The following SEC23A variants were observed in gnomAD, a reference collection of about 807,000 sequenced individuals.
The protein encoded by SEC23A is protein transport protein Sec23A.
A neutral mutation model predicts 103.7 loss-of-function variants in SEC23A; 56 were observed. That is an observed-to-expected ratio of 0.54 (90% CI 0.44 to 0.67). The LOEUF is 0.67. Ranked by LOEUF, SEC23A falls within the 30% of genes least tolerant of loss-of-function variation. The pLI is 0.00. For missense variants in SEC23A, 784 were observed against 936.4 expected (o/e 0.84, Z 2.12); for synonymous variants, 281 against 293.0 (o/e 0.96, Z 0.42).
chr14:39,061,844 G>A lies in SEC23A; in HGVS notation c.1426C>T (p.Arg476Cys), dbSNP rs760390779. 8.7e-6 allele frequency: 14 copies of A among 1,613,488 alleles called. No individual in the cohort carries two copies. Among genetic ancestry groups the A allele is most frequent in the East Asian group, 4.5e-5 (2 of 44,870 alleles). ...QHNAPIPQGG[R>C]GAIQFVTQYQ... ...TGAGTCACAAACTGGATTGCACCAC[G>A]CCCTCCTTGAGGAATTGGAGCATTA... Residue 476 changes from arginine (R) to cysteine (C), a missense_variant, in exon 13 of 20, where the codon CGT becomes TGT. Transcript: ENST00000307712.
At chr14:39,073,545 C>T (rs146129518) in intron 9 of SEC23A, among the ~76,000 whole-genome samples, 2 of 150,066 alleles carry the variant, frequency 1.3e-5, no homozygotes, top group South Asian at 2.1e-4. Flanking sequence ...CCTCCCACCT[C>T]GGCTTCTCAA....
intron 14 of SEC23A, among the ~76,000 whole-genome samples, chr14:39,054,120 T>G (rs528572259): frequency 2.6e-5 from 4 of 150,952 alleles, no homozygotes; most frequent in African/African-American, 9.7e-5. Flanking sequence ...ACAAAAAAAT[T>G]TTAAATTTGC....
chr14:39,048,862 ATTAC>A, intron 14 of SEC23A, 133 bp from the exon 15 acceptor site: 1 of 627,854 alleles, frequency 1.6e-6, no homozygotes, highest in Non-Finnish European at 2.8e-6. Flanking sequence ...AAATTATAAT[ATTAC>A]TTATAGACTT....
intron 7 of SEC23A, among the ~76,000 whole-genome samples, chr14:39,080,412 G>GT (rs963519146): frequency 2.6e-5 from 4 of 152,048 alleles, no homozygotes; most frequent in African/African-American, 9.7e-5. Context: ...AACGGCAGTT[G>GT]TTTTTTTCTT....
At chr14:39,050,804 A>G (rs201833038) in intron 14 of SEC23A, among the ~76,000 whole-genome samples, 1 of 132,042 alleles carries the variant, frequency 7.6e-6, no homozygotes, top group Non-Finnish European at 1.7e-5. Flanking sequence ...AGAAGGAAAG[A>G]AAGGAAGAAA....
At chr14:39,048,618 A>G (rs1175288871) in intron 15 of SEC23A, 34 bp downstream of exon 15, 14 of 1,377,076 alleles carry the variant, frequency 1.0e-5, no homozygotes, top group Non-Finnish European at 1.3e-5. Flanking sequence ...GAAAAAAAAG[A>G]AAAGAAAAGA....
chr14:39,072,733 G>C (rs1886880264), intron 9 of SEC23A, among the ~76,000 whole-genome samples: 1 of 152,142 alleles, frequency 6.6e-6, no homozygotes, highest in Non-Finnish European at 1.5e-5. Context: ...AGGATTGCTT[G>C]AGCCCTGGAC....
rs1885559374 is a variant in SEC23A at position 39,039,263 on chromosome 14, G to A, written c.2143-167C>T. ...AACTTTGAAATGTATAGGTCACTAA[G>A]TGTTACAAATAAATAATAAATGCAC... On this transcript the variant is annotated intron_variant, in intron 18 of 19. Coordinates refer to ENST00000307712, the MANE Select transcript of SEC23A (RefSeq NM_006364.4). 6 of 602,098 alleles carry A rather than the reference G, an allele frequency of 1.0e-5. 1 individual carries two copies. In the Middle Eastern group the frequency reaches 1.3e-3, roughly 133 times the overall value. 37.3% of individuals were successfully genotyped at this position (602,098 alleles called of 1,614,324 possible). A position where few individuals can be genotyped will look rare whatever the true frequency, so the allele number is the denominator to read the frequency against.
intron 1 of SEC23A, among the ~76,000 whole-genome samples, chr14:39,097,718 A>C (rs1446315160): frequency 6.6e-6 from 1 of 152,202 alleles, no homozygotes; most frequent in Non-Finnish European, 1.5e-5. Context: ...TCTTACGCTA[A>C]TCAAAAAAGA....
chr14:39,075,591 A>C (rs913037450), intron 8 of SEC23A, among the ~76,000 whole-genome samples: 14 of 152,212 alleles, frequency 9.2e-5, no homozygotes, highest in African/African-American at 3.1e-4. Context: ...AAAATTAAGG[A>C]CTGCCTCTTG....
chr14:39,093,229 TC>T lies in SEC23A; in HGVS notation c.236del (p.Arg79GlnfsTer26). The T allele has an allele frequency of 6.2e-7, 1 of 1,612,216 alleles. No homozygotes were observed. Reference protein sequence around the residue: ...VLNPLCQVDYRAKLWACNFCY... With the variant: ...VLNPLCQVDYXAKLWACNFCY... ...AAAAGTTGCAAGCCCAAAGTTTTGC[TC>T]GATAATCCACTTGACTGTTTTAAAA... On this transcript the variant is annotated frameshift_variant, in exon 3 of 20. Coordinates refer to ENST00000307712, the MANE Select transcript of SEC23A (RefSeq NM_006364.4). LOFTEE classifies it high-confidence loss of function.
At chr14:39,049,633 C>G (rs1036004597) in intron 14 of SEC23A, among the ~76,000 whole-genome samples, 10 of 151,626 alleles carry the variant, frequency 6.6e-5, no homozygotes, top group African/African-American at 2.2e-4. Flanking sequence ...TGAAAATTAG[C>G]CAGGCATGGT....
At chr14:39,061,544 TG>T (rs1886478989) in intron 13 of SEC23A, among the ~76,000 whole-genome samples, 1 of 152,188 alleles carries the variant, frequency 6.6e-6, no homozygotes, top group Admixed American at 6.5e-5. Flanking sequence ...AATAATATTT[TG>T]AAGGGTGTGT....
rs114060709 is a variant in SEC23A at position 39,102,499 on chromosome 14, C to A, written c.-22+533G>T. Among the ~76,000 whole-genome samples, 686 of 152,324 alleles carry A rather than the reference C, an allele frequency of 4.5e-3. 7 individuals carry two copies. Among genetic ancestry groups the A allele is most frequent in the African/African-American group, 0.016 (660 of 41,562 alleles). ...TTACCACCAAATCGGGAAACACTACCTACCGTAGAAAGAAAGCCCAGTGAG... is the reference window on the plus strand; with the variant it reads ...TTACCACCAAATCGGGAAACACTACATACCGTAGAAAGAAAGCCCAGTGAG... On this transcript the variant is annotated intron_variant, in intron 1 of 19. Transcript: ENST00000307712.
intron 1 of SEC23A, among the ~76,000 whole-genome samples, chr14:39,100,867 G>A (rs1430931572): frequency 2.0e-5 from 3 of 150,128 alleles, no homozygotes; most frequent in Admixed American, 6.6e-5. Flanking sequence ...TTTTTGAGAT[G>A]GAGTCTCACT....
chr14:39,066,353 TA>T (rs1237882097), intron 10 of SEC23A, among the ~76,000 whole-genome samples: 1 of 152,132 alleles, frequency 6.6e-6, no homozygotes, highest in Non-Finnish European at 1.5e-5. Context: ...AAGAATCAAT[TA>T]GGATTAGAAG....
intron 11 of SEC23A, chr14:39,064,593 T>C: frequency 3.9e-6 from 1 of 256,046 alleles, no homozygotes; most frequent in South Asian, 6.4e-5. Flanking sequence ...GAAAAGGGTA[T>C]GCAGAAAGAG....
At chr14:39,051,112 C>T (rs1280576123) in intron 14 of SEC23A, among the ~76,000 whole-genome samples, 1 of 152,124 alleles carries the variant, frequency 6.6e-6, no homozygotes, top group Non-Finnish European at 1.5e-5. Flanking sequence ...AATCAAAAAC[C>T]TAGGAAATTA....
At chr14:39,049,083 G>A (rs1420829423) in intron 14 of SEC23A, among the ~76,000 whole-genome samples, 1 of 151,918 alleles carries the variant, frequency 6.6e-6, no homozygotes, top group Non-Finnish European at 1.5e-5. Flanking sequence ...ACTGACGCCT[G>A]TAATTCCAGC....
Sources: allele counts gnomAD v4.1 joint callset (sites outside exome capture counted in the v4.1 genomes callset), GRCh38; gene constraint gnomAD v4.1.1; transcripts MANE v1.5; gene names NCBI Gene and HGNC (gene_info 2026-07-23, HGNC 2026-07-21).